Variants in TLN2 observed in about 807,000 individuals in gnomAD.
TLN2 encodes talin-2.
Under a neutral mutation model 294.7 loss-of-function variants are expected in TLN2, and 118 were observed. The ratio of observed to expected loss-of-function variants is 0.40; its 90% confidence interval spans 0.34 to 0.47. The LOEUF (loss-of-function observed/expected upper bound fraction) is 0.47, where lower values mean the gene tolerates loss of function less well. Ranked by LOEUF, TLN2 falls within the 20% of genes least tolerant of loss-of-function variation. The pLI is 0.84. For synonymous variants in TLN2, 1,431 were observed against 1,304.5 expected (o/e 1.10, Z -2.09); for missense variants, 3,083 against 3,282.2 (o/e 0.94, Z 1.48).
intron 1 of TLN2, among the ~76,000 whole-genome samples, chr15:62,521,471 T>G (rs1596003287): frequency 1.3e-5 from 2 of 152,002 alleles, no homozygotes; most frequent in Admixed American, 1.3e-4. Context: ...GGGAGACAGT[T>G]GGGGGGCAAG....
intron 1 of TLN2, among the ~76,000 whole-genome samples, chr15:62,502,447 G>A (rs555564187): frequency 6.6e-6 from 1 of 152,182 alleles, no homozygotes; most frequent in Non-Finnish European, 1.5e-5. Context: ...AGTCAGCCAG[G>A]GTGTCAAGCC....
intron 31 of TLN2, among the ~76,000 whole-genome samples, 169 bp downstream of exon 31, chr15:62,739,714 C>T (rs1168160310): frequency 6.6e-6 from 1 of 152,146 alleles, no homozygotes; most frequent in Admixed American, 6.5e-5. Flanking sequence ...GAATGGCATT[C>T]CCAAAGATGC....
In TLN2 at chr15:62,722,504, A is replaced by T. The variant is rs2060207403; in HGVS notation, c.3126+17A>T. The stretch of plus-strand genomic sequence containing the variant: ...TCGCAGAAGGCAAGTGGAGCGTGTC[A>T]TAGGGGTTAACTTGTCAGGAAGGGA... On this transcript the variant is annotated intron_variant, in intron 26 of 58. Transcript: ENST00000636159. 2.5e-6 allele frequency: 4 copies of T among 1,601,884 alleles called. No individual in the cohort carries two copies. In the Admixed American group the frequency reaches 5.0e-5, roughly 20 times the overall value.
chr15:62,710,959 C>T (rs2059394523), intron 21 of TLN2, among the ~76,000 whole-genome samples: 1 of 151,926 alleles, frequency 6.6e-6, no homozygotes, highest in African/African-American at 2.4e-5. Flanking sequence ...ATCTCCTGAC[C>T]TCGTGATCCG....
intron 52 of TLN2, among the ~76,000 whole-genome samples, chr15:62,813,984 T>A (rs1271310569): frequency 1.3e-5 from 2 of 152,180 alleles, no homozygotes; most frequent in Admixed American, 1.3e-4. Context: ...CTAGCTAATT[T>A]TGTCTTTTTT....
Position 62,809,854 on chromosome 15 carries a change from C to G in TLN2, c.6664-71C>G, listed in dbSNP as rs558993380. On this transcript the variant is annotated intron_variant, in intron 51 of 58. Transcript: ENST00000636159. Reference sequence around the variant, plus strand: ...AGGTCACCAGGGTTAAGGTCTCTTGCCTCTGAGTCTGGGACTGCCCAATGC... The same window carrying G: ...AGGTCACCAGGGTTAAGGTCTCTTGGCTCTGAGTCTGGGACTGCCCAATGC... 243 of 1,450,756 alleles carry G rather than the reference C, an allele frequency of 1.7e-4. 1 individual carries two copies. Among genetic ancestry groups the G allele is most frequent in the Non-Finnish European group, 3.4e-5 (36 of 1,045,506 alleles). 89.9% of individuals were successfully genotyped at this position (1,450,756 alleles called of 1,614,324 possible). A position where few individuals can be genotyped will look rare whatever the true frequency, so the allele number is the denominator to read the frequency against.
At chr15:62,784,270 A>G in intron 45 of TLN2, 2 of 349,524 alleles carry the variant, frequency 5.7e-6, no homozygotes, top group East Asian at 4.3e-5. Context: ...TTTGTTTTCC[A>G]TAGGTTCACA....
intron 58 of TLN2, among the ~76,000 whole-genome samples, chr15:62,839,185 T>C (rs1402509322): frequency 6.6e-6 from 1 of 152,156 alleles, no homozygotes; most frequent in East Asian, 1.9e-4. Flanking sequence ...GGCCACGTGG[T>C]CCACGTTGGT....
At chr15:62,734,746 T>A (rs2060913621) in intron 28 of TLN2, among the ~76,000 whole-genome samples, 1 of 152,238 alleles carries the variant, frequency 6.6e-6, no homozygotes, top group African/African-American at 2.4e-5. Context: ...TAGATCGTAG[T>A]TTTATATCCC....
chr15:62,497,447 T>G (rs1165254692), intron 1 of TLN2, among the ~76,000 whole-genome samples: 1 of 152,244 alleles, frequency 6.6e-6, no homozygotes, highest in East Asian at 1.9e-4. Flanking sequence ...AGTGGTACTT[T>G]CCTCTGCTCC....
At chr15:62,618,628 CAG>C (rs1408011817) in intron 3 of TLN2, among the ~76,000 whole-genome samples, 153 bp downstream of exon 3, 2 of 152,194 alleles carry the variant, frequency 1.3e-5, no homozygotes, top group Non-Finnish European at 2.9e-5. Context: ...GAAGGAATGA[CAG>C]AGTCAGCAGA....
At chr15:62,589,617 C>G (rs959886099) in intron 1 of TLN2, 70 bp from the exon 2 acceptor site, 1 of 152,040 alleles carries the variant, frequency 6.6e-6, no homozygotes, top group Non-Finnish European at 1.5e-5. Context: ...GGGGAAATGA[C>G]CAAATGTATA....
intron 51 of TLN2, among the ~76,000 whole-genome samples, chr15:62,808,686 G>A (rs957600519): frequency 6.6e-6 from 1 of 152,206 alleles, no homozygotes; most frequent in Non-Finnish European, 1.5e-5. Flanking sequence ...CCGCAGTGGT[G>A]TCTCATCAAA....
chr15:62,680,392 C>G (rs1365788156), intron 11 of TLN2, among the ~76,000 whole-genome samples: 1 of 152,102 alleles, frequency 6.6e-6, no homozygotes, highest in African/African-American at 2.4e-5. Flanking sequence ...TGTACACAAT[C>G]ATTTTAATTT....
At chr15:62,561,206 G>A (rs1385650078) in intron 1 of TLN2, among the ~76,000 whole-genome samples, 1 of 152,168 alleles carries the variant, frequency 6.6e-6, no homozygotes, top group African/African-American at 2.4e-5. Flanking sequence ...CCAAACAAAA[G>A]CTTGGGTGGG....
chr15:62,648,445 A>G (rs2052172992), intron 4 of TLN2, among the ~76,000 whole-genome samples: 1 of 151,274 alleles, frequency 6.6e-6, no homozygotes, highest in Non-Finnish European at 1.5e-5. Flanking sequence ...AATAAAAATC[A>G]AACATCACAA....
In TLN2 at chr15:62,792,756, T is replaced by C. The variant is rs1356152895; in HGVS notation, c.5852T>C (p.Leu1951Pro). The part of the protein sequence containing the change: ...CPTDSYTKRE[L>P]IECARAVTEK... ...ACAGACAGCTACACCAAGAGGGAGC[T>C]GATCGAATGCGCCCGTGCCGTCACG... is the stretch of plus-strand genomic sequence containing the variant. The change falls in exon 46 of 59, where the codon CTG becomes CCG. Residue 1951 changes from leucine (L) to proline (P), a missense_variant. Physicochemically the swap from Leu to Pro is moderately conservative, Grantham distance 98. Transcript: ENST00000636159. 2 of 1,614,018 alleles carry C rather than the reference T, an allele frequency of 1.2e-6. No individual in the cohort carries two copies. The highest frequency in any genetic ancestry group is 1.7e-6 in the Non-Finnish European group (2 of 1,180,022).
chr15:62,739,731 C>T (rs756807788), intron 31 of TLN2, among the ~76,000 whole-genome samples, 186 bp downstream of exon 31: 13 of 152,200 alleles, frequency 8.5e-5, no homozygotes, highest in Non-Finnish European at 1.6e-4. Context: ...ATGCTATCAG[C>T]TTATGCATGA....
At chr15:62,667,458 C>T (rs1215822203) in intron 9 of TLN2, among the ~76,000 whole-genome samples, 2 of 152,178 alleles carry the variant, frequency 1.3e-5, no homozygotes, top group Non-Finnish European at 2.9e-5. Flanking sequence ...CTCCACCATC[C>T]CTCCCCTCTG....
Sources: allele counts gnomAD v4.1 joint callset (sites outside exome capture counted in the v4.1 genomes callset), GRCh38; gene constraint gnomAD v4.1.1; transcripts MANE v1.5; gene names NCBI Gene and HGNC (gene_info 2026-07-23, HGNC 2026-07-21).